The following FHIT variants were observed in gnomAD, a reference collection of about 807,000 sequenced individuals.
FHIT encodes the protein bis(5'-adenosyl)-triphosphatase.
In FHIT, 19 loss-of-function variants were observed where a neutral mutation model predicts 17.9. The ratio of observed to expected loss-of-function variants is 1.06; its 90% CI spans 0.74 to 1.56. FHIT has a LOEUF of 1.56. FHIT is among the 40% of genes most tolerant of loss of function. The probability of loss-of-function intolerance (pLI) is 0.00; values close to 1 mark genes in which losing one functional copy is unlikely to be tolerated. For synonymous variants in FHIT, 81 were observed against 69.7 expected (o/e 1.16, Z -0.81); for missense variants, 248 against 189.2 (o/e 1.31, Z -1.82).
chr3:60,660,282 A>G (rs1418677410), intron 4 of FHIT, among the ~76,000 whole-genome samples: 1 of 152,176 alleles, frequency 6.6e-6, no homozygotes, highest in Non-Finnish European at 1.5e-5. Context: ...ATCAGAAGCA[A>G]CAATTAGCTA....
intron 5 of FHIT, among the ~76,000 whole-genome samples, chr3:60,123,662 T>C (rs1462329477): frequency 6.6e-6 from 1 of 152,058 alleles, no homozygotes; most frequent in Non-Finnish European, 1.5e-5. Flanking sequence ...ACCCAATCAC[T>C]GCTGTCAGTG....
intron 4 of FHIT, among the ~76,000 whole-genome samples, chr3:60,791,292 C>T (rs1553728419): frequency 1.3e-5 from 2 of 151,994 alleles, no homozygotes; most frequent in Non-Finnish European, 2.9e-5. Flanking sequence ...TGAAAATCAC[C>T]AATGTATGCT....
chr3:60,542,561 CTCT>C (rs748266555), intron 4 of FHIT, among the ~76,000 whole-genome samples: 7 of 152,108 alleles, frequency 4.6e-5, no homozygotes, highest in Non-Finnish European at 7.4e-5. Context: ...ATGCATGTTT[CTCT>C]TCTTATGAAT....
chr3:60,242,818 C>G (rs971269039), intron 5 of FHIT, among the ~76,000 whole-genome samples: 1 of 151,968 alleles, frequency 6.6e-6, no homozygotes, highest in Non-Finnish European at 1.5e-5. Flanking sequence ...CTTCCTCATA[C>G]AAACACATAT....
intron 4 of FHIT, among the ~76,000 whole-genome samples, chr3:60,565,955 G>T (rs2037119030): frequency 6.6e-6 from 1 of 152,100 alleles, no homozygotes; most frequent in Non-Finnish European, 1.5e-5. Flanking sequence ...ATTCTGGTAT[G>T]TTGTGTCTTT....
At chr3:61,176,942 G>A (rs1225843243) in intron 2 of FHIT, among the ~76,000 whole-genome samples, 2 of 152,152 alleles carry the variant, frequency 1.3e-5, no homozygotes, top group African/African-American at 2.4e-5. Context: ...TTGGGAGGCC[G>A]AGGCGGGCAG....
chr3:60,795,879 T>A (rs1269047851), intron 4 of FHIT, among the ~76,000 whole-genome samples: 1 of 152,196 alleles, frequency 6.6e-6, no homozygotes, highest in African/African-American at 2.4e-5. Flanking sequence ...TGCTTGGCAT[T>A]GTTTTCAAGG....
At chr3:60,995,749 G>T (rs2030627326) in intron 3 of FHIT, among the ~76,000 whole-genome samples, 1 of 152,156 alleles carries the variant, frequency 6.6e-6, no homozygotes, top group African/African-American at 2.4e-5. Context: ...TACCCATTTT[G>T]GTTAATAAAT....
chr3:60,233,349 C>A (rs1704600180), intron 5 of FHIT, among the ~76,000 whole-genome samples: 2 of 152,090 alleles, frequency 1.3e-5, no homozygotes, highest in South Asian at 4.1e-4. Context: ...CCGTGCCTTC[C>A]AGCCCTTTGC....
intron 4 of FHIT, among the ~76,000 whole-genome samples, chr3:60,590,084 T>G (rs114150548): frequency 1.3e-5 from 2 of 152,066 alleles, no homozygotes; most frequent in Admixed American, 6.6e-5. Flanking sequence ...GTTTTAAAAA[T>G]AAATTGCAAA....
chr3:59,804,881 G>C (rs1700134789), intron 8 of FHIT, among the ~76,000 whole-genome samples: 1 of 152,180 alleles, frequency 6.6e-6, no homozygotes, highest in Non-Finnish European at 1.5e-5. Flanking sequence ...GGACTGTCAT[G>C]CACTAAGCAT....
At chr3:59,929,488 A>G (rs1705855501) in intron 7 of FHIT, among the ~76,000 whole-genome samples, 3 of 147,372 alleles carry the variant, frequency 2.0e-5, no homozygotes, top group Admixed American at 1.4e-4. Flanking sequence ...CTCCTGACTC[A>G]GCCTCCTGAG....
chr3:60,154,289 G>A (rs1700589111), intron 5 of FHIT, among the ~76,000 whole-genome samples: 1 of 152,144 alleles, frequency 6.6e-6, no homozygotes, highest in South Asian at 2.1e-4. Flanking sequence ...ACCTACACAT[G>A]CTTCAATCCA....
chr3:60,928,848 C>T (rs1298544143), intron 3 of FHIT, among the ~76,000 whole-genome samples: 5 of 152,170 alleles, frequency 3.3e-5, no homozygotes, highest in Non-Finnish European at 5.9e-5. Context: ...AGAGGGAATC[C>T]TCCCTAACTC....
At chr3:61,212,001 G>C (rs1029751974) in intron 1 of FHIT, among the ~76,000 whole-genome samples, 2 of 151,638 alleles carry the variant, frequency 1.3e-5, no homozygotes, top group Non-Finnish European at 2.9e-5. Flanking sequence ...CCAAAAATCT[G>C]TACATAACCA....
chr3:60,644,344 A>G (rs139963758), intron 4 of FHIT, among the ~76,000 whole-genome samples: 1 of 152,356 alleles, frequency 6.6e-6, no homozygotes, highest in African/African-American at 2.4e-5. Flanking sequence ...AAGCATGTTG[A>G]AAAACTGATA....
At chr3:60,648,090 T>C (rs1553687262) in intron 4 of FHIT, among the ~76,000 whole-genome samples, 1 of 151,706 alleles carries the variant, frequency 6.6e-6, no homozygotes, top group Admixed American at 6.6e-5. Flanking sequence ...AAGGGAAAAA[T>C]GAGAGGACAG....
chr3:61,036,535 G>C (rs1027470187), intron 3 of FHIT, among the ~76,000 whole-genome samples: 1 of 152,132 alleles, frequency 6.6e-6, no homozygotes, highest in Non-Finnish European at 1.5e-5. Context: ...GCTTTTACTA[G>C]ACTAGGCTGG....
chr3:60,616,804 G>C (rs2038964397), intron 4 of FHIT: 1 of 152,132 alleles, frequency 6.6e-6, no homozygotes, highest in African/African-American at 2.4e-5. Flanking sequence ...CCAAGCCAAA[G>C]TAAAAGCCAT....
Sources: gnomAD v4.1 joint callset for allele counts (sites outside exome capture counted in the v4.1 genomes callset) on GRCh38, gnomAD v4.1.1 for gene constraint, MANE v1.5 for transcripts, NCBI Gene and HGNC (gene_info 2026-07-23, HGNC 2026-07-21) for gene names.